KALRN: variants seen among roughly 807,000 people sequenced by gnomAD.
KALRN encodes kalirin.
In KALRN, 70 loss-of-function variants were observed where a neutral mutation model predicts 353.7. The ratio of observed to expected loss-of-function variants is 0.20; its 90% CI spans 0.16 to 0.24. The LOEUF is 0.24. Ranked by LOEUF, KALRN falls within the 10% of genes least tolerant of loss-of-function variation. The pLI, the probability that KALRN is intolerant of heterozygous loss-of-function variation, is 1.00. For missense variants in KALRN, 2,791 were observed against 3,756.7 expected (o/e 0.74, Z 6.72); for synonymous variants, 1,391 against 1,434.8 (o/e 0.97, Z 0.69).
chr3:124,628,565 C>G (rs1284292284), intron 34 of KALRN, among the ~76,000 whole-genome samples: 3 of 120,246 alleles, frequency 2.5e-5, no homozygotes, highest in African/African-American at 9.6e-5. Flanking sequence ...CTTTTCTTTT[C>G]TTTTCATTTC....
intron 1 of KALRN, among the ~76,000 whole-genome samples, chr3:124,110,467 G>GCACACA (rs1553768460): frequency 7.4e-5 from 4 of 54,250 alleles, no homozygotes; most frequent in South Asian, 9.0e-4. Context: ...ATACACACGC[G>GCACACA]CGCACACACA....
At chr3:124,690,031 G>A (rs150467953) in intron 51 of KALRN, among the ~76,000 whole-genome samples, 7 of 152,220 alleles carry the variant, frequency 4.6e-5, no homozygotes, top group Non-Finnish European at 8.8e-5. Flanking sequence ...GTTCATGGCA[G>A]GACATTTTCT....
chr3:124,555,688 C>G (rs2071158714), intron 33 of KALRN, among the ~76,000 whole-genome samples: 2 of 152,134 alleles, frequency 1.3e-5, no homozygotes, highest in Admixed American at 1.3e-4. Context: ...AGACACCTCT[C>G]AGACATTGTA....
chr3:124,266,464 C>T (rs554400216), intron 4 of KALRN, among the ~76,000 whole-genome samples: 1 of 151,980 alleles, frequency 6.6e-6, no homozygotes, highest in East Asian at 1.9e-4. Context: ...ATATGTTTCC[C>T]CTGAGAATTT....
chr3:124,120,742 A>T (rs1439723636), intron 1 of KALRN, among the ~76,000 whole-genome samples: 5 of 144,802 alleles, frequency 3.5e-5, no homozygotes, highest in African/African-American at 1.3e-4. Context: ...ATATATATAT[A>T]TATTTTCACA....
Position 124,170,831 on chromosome 3 carries a change from C to CTTTT in KALRN, c.74-57123_74-57120dup, listed in dbSNP as rs752783614. ...TATAAACTCCTTCCACTTCCACATT[C>CTTTT]TTTTTTTTTTTTTTTTTTTTTTTTT... On this transcript the variant is annotated intron_variant, in intron 1 of 59. Coordinates refer to ENST00000682506, the MANE Select transcript of KALRN (RefSeq NM_001388419.1). Among the ~76,000 whole-genome samples, 33 of 47,144 alleles carry CTTTT rather than the reference C, an allele frequency of 7.0e-4. 8 individuals carry two copies. Among genetic ancestry groups the CTTTT allele is most frequent in the Non-Finnish European group, 9.0e-4 (23 of 25,526 alleles). The allele number at this position is 47,144 out of a possible 152,430, so 30.9% of individuals were successfully genotyped here. A position where few individuals can be genotyped will look rare whatever the true frequency, so the allele number is the denominator to read the frequency against.
chr3:124,577,955 C>T (rs1051886458), intron 34 of KALRN, among the ~76,000 whole-genome samples: 1 of 152,230 alleles, frequency 6.6e-6, no homozygotes, highest in Non-Finnish European at 1.5e-5. Context: ...TGTACCTCCT[C>T]TCTCTAATTG....
intron 8 of KALRN, among the ~76,000 whole-genome samples, chr3:124,330,277 CACACACACA>C: frequency 6.6e-6 from 1 of 151,594 alleles, no homozygotes; most frequent in African/African-American, 2.4e-5. Context: ...CACACACACA[CACACACACA>C]CCCCATACAC....
intron 3 of KALRN, among the ~76,000 whole-genome samples, chr3:124,263,504 G>C (rs1351541906): frequency 6.6e-6 from 1 of 152,072 alleles, no homozygotes; most frequent in Non-Finnish European, 1.5e-5. Context: ...TTGAAGCCAG[G>C]AGTTTTGAGA....
intron 3 of KALRN, among the ~76,000 whole-genome samples, chr3:124,241,589 G>A (rs796988172): frequency 3.9e-4 from 59 of 152,176 alleles, no homozygotes; most frequent in African/African-American, 1.4e-3. Context: ...TTAATTATTG[G>A]TATTAAGTAA....
chr3:124,652,678 A>G (rs1212399958), intron 38 of KALRN, among the ~76,000 whole-genome samples: 1 of 152,006 alleles, frequency 6.6e-6, no homozygotes, highest in Non-Finnish European at 1.5e-5. Flanking sequence ...CCGGGTTCAC[A>G]CCATTCTTCT....
rs1295819135 is a variant in KALRN, at chr3:124,039,753, T to C, written c.73+5940T>C. Among the ~76,000 whole-genome samples, 3 of 152,298 alleles carry C rather than the reference T, an allele frequency of 2.0e-5. No individual in the cohort carries two copies. The East Asian group carries it at 5.8e-4, about 29-fold the overall frequency. ...GAGGAGTCTCTTACTTCCTGAGCTT[T>C]CTTTTGCAGCAAAGGAAAACATCTC... On this transcript the variant is annotated intron_variant, in intron 1 of 59. Transcript: ENST00000682506.
intron 5 of KALRN, among the ~76,000 whole-genome samples, chr3:124,292,928 G>A (rs551557507): frequency 1.3e-5 from 2 of 152,250 alleles, no homozygotes; most frequent in South Asian, 4.1e-4. Flanking sequence ...ACATTTTATA[G>A]ATAAGGAACT....
At chr3:124,623,222 C>T (rs911535483) in intron 34 of KALRN, among the ~76,000 whole-genome samples, 1 of 151,626 alleles carries the variant, frequency 6.6e-6, no homozygotes, top group Non-Finnish European at 1.5e-5. Flanking sequence ...TGGGCTCAAG[C>T]AATCCTCCTG....
chr3:124,643,056 A>T (rs2082282728), intron 37 of KALRN, among the ~76,000 whole-genome samples: 1 of 151,828 alleles, frequency 6.6e-6, no homozygotes, highest in African/African-American at 2.4e-5. Context: ...ACCTCACGTG[A>T]TCCGCCTGCC....
At chr3:124,185,245 A>G (rs1034146595) in intron 1 of KALRN, among the ~76,000 whole-genome samples, 3 of 152,174 alleles carry the variant, frequency 2.0e-5, no homozygotes, top group African/African-American at 7.2e-5. Context: ...CGAACTCCTG[A>G]GCACAAACCA....
chr3:124,455,467 G>A (rs2059216427), intron 22 of KALRN, 108 bp downstream of exon 22: 3 of 1,123,252 alleles, frequency 2.7e-6, no homozygotes, highest in Non-Finnish European at 2.5e-6. Flanking sequence ...GTTCTTCTGA[G>A]CTATTGACTC....
chr3:124,618,866 G>A (rs924573110), intron 34 of KALRN, among the ~76,000 whole-genome samples: 2 of 152,160 alleles, frequency 1.3e-5, no homozygotes, highest in Non-Finnish European at 1.5e-5. Context: ...CTTCGTAGGC[G>A]AGTGCAGATT....
At chr3:124,419,894 T>G (rs1413076617) in intron 14 of KALRN, among the ~76,000 whole-genome samples, 1 of 152,190 alleles carries the variant, frequency 6.6e-6, no homozygotes, top group Non-Finnish European at 1.5e-5. Flanking sequence ...TATCAATAGA[T>G]TGAGAGCAGT....
Sources: gnomAD v4.1 joint callset for allele counts (sites outside exome capture counted in the v4.1 genomes callset) on GRCh38, gnomAD v4.1.1 for gene constraint, MANE v1.5 for transcripts, NCBI Gene and HGNC (gene_info 2026-07-23, HGNC 2026-07-21) for gene names.